Variants in MARCHF1 observed in about 807,000 individuals in gnomAD.
MARCHF1 encodes membrane associated ring-CH-type finger 1.
Under a neutral mutation model 54.2 loss-of-function variants are expected in MARCHF1, and 40 were observed. That is an observed-to-expected ratio of 0.74 (90% confidence interval 0.57 to 0.96). The LOEUF is 0.96. MARCHF1 is among the 40% of genes least tolerant of loss of function. The pLI is 0.00. For synonymous variants in MARCHF1, 236 were observed against 236.3 expected (o/e 1.00, Z 0.01); for missense variants, 586 against 656.5 (o/e 0.89, Z 1.17).
chr4:164,101,945 G>T (rs1404592525), intron 2 of MARCHF1, among the ~76,000 whole-genome samples: 1 of 147,558 alleles, frequency 6.8e-6, no homozygotes, highest in Admixed American at 6.8e-5. Flanking sequence ...GAAAACCAAG[G>T]CTCGAGAACT....
intron 4 of MARCHF1, among the ~76,000 whole-genome samples, chr4:163,725,359 T>TC (rs1745619380): frequency 6.6e-6 from 1 of 151,896 alleles, no homozygotes; most frequent in Non-Finnish European, 1.5e-5. Context: ...GCACCTGTAA[T>TC]CCCAGCTACT....
intron 3 of MARCHF1, among the ~76,000 whole-genome samples, chr4:163,940,378 T>C (rs1751887739): frequency 6.6e-6 from 1 of 152,152 alleles, no homozygotes; most frequent in Non-Finnish European, 1.5e-5. Context: ...TATACATGTA[T>C]ATATTTATCT....
chr4:164,036,400 A>T (rs1171815758), intron 2 of MARCHF1, among the ~76,000 whole-genome samples: 17 of 152,128 alleles, frequency 1.1e-4, no homozygotes, highest in Admixed American at 1.1e-3. Context: ...TGACTACTCT[A>T]ATTGAGTTGG....
At chr4:164,013,296 A>G (rs1753463789) in intron 2 of MARCHF1, among the ~76,000 whole-genome samples, 1 of 152,192 alleles carries the variant, frequency 6.6e-6, no homozygotes. Flanking sequence ...GCACTGATCA[A>G]GCAAGAAAGA....
rs186277582 is a variant in MARCHF1 at position 164,004,708 on chromosome 4, C to A, written c.-247-15999G>T. ...CAAAAAAGTCTGAAAAATCACCCCC[C>A]CCAACTGGAAGTCAAGTAATGTCTT... On this transcript the variant is annotated intron_variant, in intron 2 of 9. Coordinates refer to ENST00000514618, the MANE Select transcript of MARCHF1 (RefSeq NM_001394959.1). Among the ~76,000 whole-genome samples the A allele has an allele frequency of 2.5e-3, 375 of 151,968 alleles. 3 individuals are homozygous for A. Among genetic ancestry groups the A allele is most frequent in the African/African-American group, 8.6e-3 (355 of 41,494 alleles).
intron 1 of MARCHF1, among the ~76,000 whole-genome samples, chr4:164,185,040 TCAAAA>T (rs1246108655): frequency 6.6e-6 from 1 of 152,166 alleles, no homozygotes; most frequent in Non-Finnish European, 1.5e-5. Context: ...GATTTAAAAA[TCAAAA>T]CAAAATTTTA....
At chr4:163,829,547 G>C (rs1727066657) in intron 4 of MARCHF1, among the ~76,000 whole-genome samples, 1 of 152,112 alleles carries the variant, frequency 6.6e-6, no homozygotes, top group Non-Finnish European at 1.5e-5. Flanking sequence ...TCTCCTTACT[G>C]CTCTTTCAGC....
chr4:163,757,839 G>A (rs1007628490), intron 4 of MARCHF1, among the ~76,000 whole-genome samples: 2 of 152,178 alleles, frequency 1.3e-5, no homozygotes, highest in African/African-American at 4.8e-5. Context: ...GTTACGCTAA[G>A]GACTGGAGCA....
chr4:163,714,376 A>G, intron 4 of MARCHF1, among the ~76,000 whole-genome samples: 1 of 152,242 alleles, frequency 6.6e-6, no homozygotes. Flanking sequence ...CTTCTTTTAA[A>G]TAGAAATCCT....
Position 163,543,940 on chromosome 4 carries a change from C to T in MARCHF1, c.1339+1656G>A, listed in dbSNP as rs1738807196. Among the ~76,000 whole-genome samples, 5 of 152,292 alleles carry T rather than the reference C, an allele frequency of 3.3e-5. No individual in the cohort carries two copies. The South Asian group carries it at 1.0e-3, about 32-fold the overall frequency. ...GACCACTGGGAGAGGGGAGAGACTA[C>T]ATTACCTGGAGGAAATTTGTGGTTC... On this transcript the variant is annotated intron_variant, in intron 9 of 9. Transcript: ENST00000514618.
intron 5 of MARCHF1, among the ~76,000 whole-genome samples, chr4:163,638,103 GA>G (rs1331396747): frequency 9.8e-6 from 1 of 101,972 alleles, no homozygotes; most frequent in Non-Finnish European, 1.8e-5. Flanking sequence ...GGGGTGGGGG[GA>G]GGGGGGAGGG....
At chr4:164,157,089 T>C (rs1258902951) in intron 1 of MARCHF1, among the ~76,000 whole-genome samples, 1 of 152,160 alleles carries the variant, frequency 6.6e-6, no homozygotes, top group Non-Finnish European at 1.5e-5. Flanking sequence ...GTATCTCTGA[T>C]ATATATGCAC....
At chr4:164,091,862 TTGTG>T (rs56160451) in intron 2 of MARCHF1, among the ~76,000 whole-genome samples, 33,634 of 148,402 alleles carry the variant, frequency 0.23, 4,270 homozygotes, top group East Asian at 0.4. Flanking sequence ...ATGTATACTT[TTGTG>T]TGTGTGTGTG....
intron 1 of MARCHF1, among the ~76,000 whole-genome samples, chr4:164,276,995 G>A (rs931259074): frequency 4.7e-5 from 7 of 150,244 alleles, no homozygotes; most frequent in African/African-American, 9.8e-5. Flanking sequence ...ATATATGAGG[G>A]AGAGAAAGAA....
chr4:163,850,477 C>G (rs903576447), intron 4 of MARCHF1, among the ~76,000 whole-genome samples: 1 of 152,166 alleles, frequency 6.6e-6, no homozygotes, highest in Non-Finnish European at 1.5e-5. Flanking sequence ...AGATTAAATA[C>G]TTTTGCATAT....
At chr4:164,068,507 G>A (rs939937996) in intron 2 of MARCHF1, among the ~76,000 whole-genome samples, 55 of 152,276 alleles carry the variant, frequency 3.6e-4, no homozygotes, top group African/African-American at 1.2e-3. Flanking sequence ...GGCCAGCCCC[G>A]CCGGCCCCGA....
intron 1 of MARCHF1, among the ~76,000 whole-genome samples, chr4:164,180,244 T>C (rs1730797233): frequency 6.6e-6 from 1 of 152,090 alleles, no homozygotes; most frequent in Non-Finnish European, 1.5e-5. Context: ...CTGATAATTT[T>C]ATTGGATGTA....
In MARCHF1 at chr4:164,139,782, A is replaced by G. The variant is rs571870037; in HGVS notation, c.-322-28120T>C. Among the ~76,000 whole-genome samples, 6 of 152,324 alleles carry G rather than the reference A, an allele frequency of 3.9e-5. No homozygotes were observed. In the South Asian group the frequency reaches 1.2e-3, roughly 32 times the overall value. On this transcript the variant is annotated intron_variant, in intron 1 of 9. Coordinates refer to ENST00000514618, the MANE Select transcript of MARCHF1 (RefSeq NM_001394959.1). ...AAATTTAAAGAATGCTATATAAAAC[A>G]TGTATATTTAATGGCTATTATAAAT...
chr4:164,301,752 A>G (rs1040324169), intron 1 of MARCHF1, among the ~76,000 whole-genome samples: 1 of 152,240 alleles, frequency 6.6e-6, no homozygotes, highest in Non-Finnish European at 1.5e-5. Context: ...TATCATATAC[A>G]GCAAATGGAA....
Sources: allele counts gnomAD v4.1 joint callset (sites outside exome capture counted in the v4.1 genomes callset), GRCh38; gene constraint gnomAD v4.1.1; transcripts MANE v1.5; gene names NCBI Gene and HGNC (gene_info 2026-07-23, HGNC 2026-07-21).